HOXA13: variants seen among roughly 807,000 people sequenced by gnomAD.
HOXA13 encodes the protein homeobox protein Hox-A13.
A neutral mutation model predicts 25.7 loss-of-function variants in HOXA13; 5 were observed. The observed-to-expected ratio is 0.19, with a 90% CI of 0.10 to 0.41. The LOEUF (loss-of-function observed/expected upper bound fraction) is 0.41. HOXA13 is among the 10% of genes least tolerant of loss of function. The pLI is 1.00. For missense variants in HOXA13, 557 were observed against 533.5 expected (o/e 1.04, Z -0.43); for synonymous variants, 284 against 241.1 (o/e 1.18, Z -1.65).
rs1298976147 is a variant in HOXA13, at chr7:27,199,647, G to C, written c.431C>G (p.Pro144Arg). ...SSSGGPGPAG[P>R]AGAEAAKQCS... is the part of the protein sequence containing the mutation. ...TTGCTTGGCGGCCTCTGCGCCCGCC[G>C]GGCCCGCCGGGCCGGGACCTCCCGA... The change falls in exon 1 of 2, where the codon CCG (proline) becomes CGG (arginine). Residue 144 changes from proline to arginine, a missense_variant. Coordinates refer to ENST00000649031, the MANE Select transcript of HOXA13 (RefSeq NM_000522.5). 2 of 1,280,864 alleles carry C rather than the reference G, an allele frequency of 1.6e-6. No individual in the cohort carries two copies. The highest frequency in any genetic ancestry group is 2.0e-6 in the Non-Finnish European group (2 of 1,020,462). 79.3% of individuals were successfully genotyped at this position (1,280,864 alleles called of 1,614,324 possible). A position where few individuals can be genotyped will look rare whatever the true frequency, so the allele number is the denominator to read the frequency against.
In HOXA13 at chr7:27,199,179, T is replaced by G. The variant is rs1562521074; in HGVS notation, c.899A>C (p.His300Pro). 1 of 1,611,834 alleles carries G rather than the reference T, an allele frequency of 6.2e-7. No homozygotes were observed. The highest frequency in any genetic ancestry group is 8.5e-7 in the Non-Finnish European group (1 of 1,179,230). ...ACCGGGCAGAGTGGACTTCCAGAGG[T>G]GGGGAGGCTGCGCCTGCTCTTTGGG... ...YCPKEQAQPP[H>P]LWKSTLPDVV... Residue 300 changes from histidine to proline, a missense_variant, in exon 1 of 2, where the codon CAC becomes CCC. By Grantham distance (77) the His-to-Pro change is moderately conservative. Coordinates refer to ENST00000649031, the MANE Select transcript of HOXA13 (RefSeq NM_000522.5).
chr7:27,195,434 C>A lies in HOXA13; in HGVS notation c.*2764G>T, dbSNP rs17501257. 1 of 152,126 alleles carries A rather than the reference C, an allele frequency of 6.6e-6. No homozygotes were observed. The highest frequency in any genetic ancestry group is 2.4e-5 in the African/African-American group (1 of 41,406). 9.4% of individuals were successfully genotyped at this position (152,126 alleles called of 1,614,324 possible). A position where few individuals can be genotyped will look rare whatever the true frequency, so the allele number is the denominator to read the frequency against. The stretch of plus-strand genomic sequence containing the variant: ...TTCCACCAACATTTTAATACATATG[C>A]GCATAGCATAGATTTGACAAAAACA... On this transcript the variant is annotated 3_prime_UTR_variant, in exon 2 of 2. Coordinates refer to ENST00000649031, the MANE Select transcript of HOXA13 (RefSeq NM_000522.5).
rs868161182 is a variant in HOXA13 at position 27,199,736 on chromosome 7, C to T, written c.342G>A (p.Pro114=). 383 of 995,156 alleles carry T rather than the reference C, an allele frequency of 3.8e-4. 4 individuals are homozygous for T. The African/African-American group carries it at 5.9e-3, about 15-fold the overall frequency. The allele number at this position is 995,156 out of a possible 1,614,324, so 61.6% of individuals were successfully genotyped here. The change falls in exon 1 of 2, where the codon CCG becomes CCA. Residue 114 remains proline (P), a synonymous_variant. Transcript: ENST00000649031. ...AYSSAPGEAP[P]SAAAAAAAAA... ...CCGCGGCAGCAGCGGCGGCAGCCGACGGGGGCGCCTCCCCGGGGGCGCTGC... is the reference window on the plus strand; with the variant it reads ...CCGCGGCAGCAGCGGCGGCAGCCGATGGGGGCGCCTCCCCGGGGGCGCTGC...
At position 27,196,063 on chromosome 7, in the gene HOXA13, A is replaced by G. The variant is rs1013584670; in HGVS notation, c.*2135T>C. The G allele has an allele frequency of 2.0e-5, 3 of 152,274 alleles. No individual in the cohort carries two copies. Among genetic ancestry groups the G allele is most frequent in the African/African-American group, 4.8e-5 (2 of 41,466 alleles). The allele number at this position is 152,274 out of a possible 1,614,324, so 9.4% of individuals were successfully genotyped here. On this transcript the variant is annotated 3_prime_UTR_variant, in exon 2 of 2. Coordinates refer to ENST00000649031, the MANE Select transcript of HOXA13 (RefSeq NM_000522.5). ...AAAGGAACAAGGCTTCATCTTGTAA[A>G]GTACATTTTGTACCTCAATTCTAGA...
rs1395235803 is a variant in HOXA13 at position 27,198,369 on chromosome 7, C to A, written c.996G>T (p.Val332=). The A allele has an allele frequency of 1.2e-6, 2 of 1,614,206 alleles. No individual in the cohort carries two copies. The highest frequency in any genetic ancestry group is 1.7e-6 in the Non-Finnish European group (2 of 1,180,036). ...ATTCCCGTTCAAGTTCTTTTAATTG[C>A]ACCTTGGTATAAGGCACGCGCTTCT... ...GRKKRVPYTK[V]QLKELEREYA... is the part of the protein sequence containing the mutation. The change falls in exon 2 of 2, where the codon GTG becomes GTT. Residue 332 remains valine, a synonymous_variant. Coordinates refer to ENST00000649031, the MANE Select transcript of HOXA13 (RefSeq NM_000522.5).
Position 27,199,428 on chromosome 7 carries a change from G to C in HOXA13, c.650C>G (p.Ala217Gly), listed in dbSNP as rs754519109. ...ADKYMDTAGP[A>G]AEEFSSRAKE... ...AGCGCGGGAGCTGAACTCCTCGGCAGCTGGGCCGGCGGTATCCATGTACTT... is the reference window on the plus strand; with the variant it reads ...AGCGCGGGAGCTGAACTCCTCGGCACCTGGGCCGGCGGTATCCATGTACTT... The change falls in exon 1 of 2, where the codon GCT becomes GGT. Residue 217 changes from alanine to glycine, a missense_variant. Transcript: ENST00000649031. 3.7e-6 allele frequency: 6 copies of C among 1,613,882 alleles called. No homozygotes were observed. Among genetic ancestry groups the C allele is most frequent in the African/African-American group, 2.7e-5 (2 of 75,076 alleles).
At position 27,195,859 on chromosome 7, in the gene HOXA13, A is replaced by T. The variant is rs145546367; in HGVS notation, c.*2339T>A. 2 of 152,250 alleles carry T rather than the reference A, an allele frequency of 1.3e-5. No homozygotes were observed. Among genetic ancestry groups the T allele is most frequent in the Admixed American group, 1.3e-4 (2 of 15,298 alleles). 9.4% of individuals were successfully genotyped at this position (152,250 alleles called of 1,614,324 possible). A position where few individuals can be genotyped will look rare whatever the true frequency, so the allele number is the denominator to read the frequency against. ...ATCTGAATCTTAATTTGCTGTAAAG[A>T]CTCCTCAATAGCTCTAATTACAGTG... is the stretch of plus-strand genomic sequence containing the variant. On this transcript the variant is annotated 3_prime_UTR_variant, in exon 2 of 2. Coordinates refer to ENST00000649031, the MANE Select transcript of HOXA13 (RefSeq NM_000522.5).
At position 27,196,615 on chromosome 7, in the gene HOXA13, C is replaced by G. The variant is rs1231747715; in HGVS notation, c.*1583G>C. 6.6e-6 allele frequency: 1 copy of G among 152,284 alleles called. No individual in the cohort carries two copies. The highest frequency in any genetic ancestry group is 1.5e-5 in the Non-Finnish European group (1 of 68,092). 9.4% of individuals were successfully genotyped at this position (152,284 alleles called of 1,614,324 possible). ...CTGGTTTTCATTTTCCACAGGGAGC[C>G]TGGGAATTCATACTATCTCTTCCTC... On this transcript the variant is annotated 3_prime_UTR_variant, in exon 2 of 2. Transcript: ENST00000649031.
At chr7:27,198,685 A>G in intron 1 of HOXA13, 1 of 583,036 alleles carries the variant, frequency 1.7e-6, no homozygotes, top group Non-Finnish European at 3.1e-6. Context: ...AGCAGCGCGT[A>G]GGCAGCCTCG....
chr7:27,198,847 G>A lies in HOXA13; in HGVS notation c.922+309C>T, dbSNP rs530127624. The A allele has an allele frequency of 3.8e-5, 19 of 505,976 alleles. 1 individual carries two copies. In the South Asian group the frequency reaches 4.5e-4, roughly 12 times the overall value. 31.3% of individuals were successfully genotyped at this position (505,976 alleles called of 1,614,324 possible). On this transcript the variant is annotated intron_variant, in intron 1 of 1. Coordinates refer to ENST00000649031, the MANE Select transcript of HOXA13 (RefSeq NM_000522.5). The stretch of plus-strand genomic sequence containing the variant: ...GAATGAATAGGGAGGGGCAATTTGG[G>A]GAGCTGTTTTCTGGTCAATTTCTCA...
intron 1 of HOXA13, 103 bp downstream of exon 1, chr7:27,199,053 A>T: frequency 8.8e-7 from 1 of 1,140,996 alleles, no homozygotes; most frequent in Non-Finnish European, 1.2e-6. Context: ...GCTAGGGCAG[A>T]CCAGGAAGAG....
rs1431957388 is a variant in HOXA13, at chr7:27,195,234, A to C, written c.*2964T>G. On this transcript the variant is annotated 3_prime_UTR_variant, in exon 2 of 2. Transcript: ENST00000649031. ...ACTCTTTCGTAATTCTCATCTATAAAGAAGTTGTGAGTCCTCAGGAGAGGT... is the reference window on the plus strand; with the variant it reads ...ACTCTTTCGTAATTCTCATCTATAACGAAGTTGTGAGTCCTCAGGAGAGGT... 1 of 152,226 alleles carries C rather than the reference A, an allele frequency of 6.6e-6. No homozygotes were observed. Among genetic ancestry groups the C allele is most frequent in the Non-Finnish European group, 1.5e-5 (1 of 68,046 alleles). 9.4% of individuals were successfully genotyped at this position (152,226 alleles called of 1,614,324 possible).
Position 27,199,637 on chromosome 7 carries a change from T to C in HOXA13, c.441A>G (p.Ala147=). ...AGGGGCTGCATTGCTTGGCGGCCTC[T>C]GCGCCCGCCGGGCCCGCCGGGCCGG... ...GGPGPAGPAG[A]EAAKQCSPCS... is the part of the protein sequence containing the mutation. Residue 147 remains alanine (A), a synonymous_variant, in exon 1 of 2, where the codon GCA becomes GCG. Coordinates refer to ENST00000649031, the MANE Select transcript of HOXA13 (RefSeq NM_000522.5). The C allele has an allele frequency of 7.8e-7, 1 of 1,279,246 alleles. No homozygotes were observed. Among genetic ancestry groups the C allele is most frequent in the Non-Finnish European group, 9.8e-7 (1 of 1,021,714 alleles). 79.2% of individuals were successfully genotyped at this position (1,279,246 alleles called of 1,614,324 possible). A position where few individuals can be genotyped will look rare whatever the true frequency, so the allele number is the denominator to read the frequency against.
rs1352252185 is a variant in HOXA13, at chr7:27,198,003, T to C, written c.*195A>G. 2.9e-6 allele frequency: 2 copies of C among 683,154 alleles called. No individual in the cohort carries two copies. Among genetic ancestry groups the C allele is most frequent in the Non-Finnish European group, 4.9e-6 (2 of 408,102 alleles). 42.3% of individuals were successfully genotyped at this position (683,154 alleles called of 1,614,324 possible). A position where few individuals can be genotyped will look rare whatever the true frequency, so the allele number is the denominator to read the frequency against. On this transcript the variant is annotated 3_prime_UTR_variant, in exon 2 of 2. Coordinates refer to ENST00000649031, the MANE Select transcript of HOXA13 (RefSeq NM_000522.5). ...GGCGGAAGAACTGGCAGTCTTTACC[T>C]TTCTTAAAGTTTTAAAACAGTTGTA...
chr7:27,199,112 G>C, intron 1 of HOXA13, 44 bp downstream of exon 1: 1 of 1,576,132 alleles, frequency 6.3e-7, no homozygotes, highest in Admixed American at 1.8e-5. Flanking sequence ...GAAGAAGCTG[G>C]AGCAGAGCCG....
chr7:27,199,753 G>T lies in HOXA13; in HGVS notation c.325C>A (p.Pro109Thr). The T allele has an allele frequency of 1.0e-6, 1 of 1,000,204 alleles. No homozygotes were observed. Among genetic ancestry groups the T allele is most frequent in the Non-Finnish European group, 1.2e-6 (1 of 839,670 alleles). 62.0% of individuals were successfully genotyped at this position (1,000,204 alleles called of 1,614,324 possible). A position where few individuals can be genotyped will look rare whatever the true frequency, so the allele number is the denominator to read the frequency against. The part of the protein sequence containing the change: ...PGAASAYSSA[P>T]GEAPPSAAAA... ...GCAGCCGACGGGGGCGCCTCCCCGGGGGCGCTGCTGTAGGCGGACGCGGCT... is the reference window on the plus strand; with the variant it reads ...GCAGCCGACGGGGGCGCCTCCCCGGTGGCGCTGCTGTAGGCGGACGCGGCT... Residue 109 changes from proline to threonine, a missense_variant, in exon 1 of 2, where the codon CCC becomes ACC. Pro to Thr is a conservative substitution (Grantham distance 38). Coordinates refer to ENST00000649031, the MANE Select transcript of HOXA13 (RefSeq NM_000522.5).
At chr7:27,198,983 A>G (rs111606303) in intron 1 of HOXA13, among the ~76,000 whole-genome samples, 173 bp downstream of exon 1, 23 of 152,134 alleles carry the variant, frequency 1.5e-4, no homozygotes, top group African/African-American at 5.5e-4. Context: ...GACCAGCTCA[A>G]CTCGAGGCAG....
chr7:27,195,176 C>T lies in HOXA13; in HGVS notation c.*3022G>A, dbSNP rs1035817127. 2.6e-4 allele frequency: 40 copies of T among 152,332 alleles called. No individual in the cohort carries two copies. Among genetic ancestry groups the T allele is most frequent in the African/African-American group, 9.1e-4 (38 of 41,572 alleles). The allele number at this position is 152,332 out of a possible 1,614,324, so 9.4% of individuals were successfully genotyped here. Reference sequence around the variant, plus strand: ...TCGAGACCTTTCGATATGTATGTTTCAACACCAGCCTGTTTTTGAGACAGC... The same window carrying T: ...TCGAGACCTTTCGATATGTATGTTTTAACACCAGCCTGTTTTTGAGACAGC... On this transcript the variant is annotated 3_prime_UTR_variant, in exon 2 of 2. Coordinates refer to ENST00000649031, the MANE Select transcript of HOXA13 (RefSeq NM_000522.5).
intron 1 of HOXA13, 78 bp from the exon 2 acceptor site, chr7:27,198,520 A>T (rs1583447868): frequency 6.3e-7 from 1 of 1,585,982 alleles, no homozygotes; most frequent in African/African-American, 1.3e-5. Flanking sequence ...GATCTGAGCC[A>T]CCCGCCTTGC....
Sources: gnomAD v4.1 joint callset for allele counts (sites outside exome capture counted in the v4.1 genomes callset) on GRCh38, gnomAD v4.1.1 for gene constraint, MANE v1.5 for transcripts, NCBI Gene and HGNC (gene_info 2026-07-23, HGNC 2026-07-21) for gene names.